The following SMAD3 variants were observed in gnomAD, a reference collection of about 807,000 sequenced individuals.
SMAD3 encodes SMAD family member 3.
A neutral mutation model predicts 51.8 loss-of-function variants in SMAD3; 12 were observed. That is an observed-to-expected ratio of 0.23 (90% CI 0.15 to 0.38). The LOEUF is 0.38. Ranked by LOEUF, SMAD3 falls within the 10% of genes least tolerant of loss-of-function variation. SMAD3 has a pLI of 1.00. For missense variants in SMAD3, 294 were observed against 565.6 expected (o/e 0.52, Z 4.87); for synonymous variants, 238 against 227.7 (o/e 1.05, Z -0.41).
At chr15:67,115,828 T>C (rs1303556432) in intron 1 of SMAD3, among the ~76,000 whole-genome samples, 1 of 152,172 alleles carries the variant, frequency 6.6e-6, no homozygotes, top group Admixed American at 6.5e-5. Context: ...GAGTCATGCA[T>C]GAGAAGTCCA....
intron 1 of SMAD3, among the ~76,000 whole-genome samples, chr15:67,095,282 C>G (rs1308340602): frequency 6.6e-6 from 1 of 152,152 alleles, no homozygotes; most frequent in Non-Finnish European, 1.5e-5. Context: ...AAACCCAGAT[C>G]CTTTTTGTGT....
chr15:67,184,718 T>C lies in SMAD3; in HGVS notation c.872-9T>C, dbSNP rs1416997630. ...GGCACCCTGTCCAGTCTAACCTGAA[T>C]CTCTGTAGGAAGAGGCGTGCGGCTC... On this transcript the variant is annotated splice_polypyrimidine_tract_variant and intron_variant, in intron 6 of 8. Coordinates refer to ENST00000327367, the MANE Select transcript of SMAD3 (RefSeq NM_005902.4). 6.2e-7 allele frequency: 1 copy of C among 1,613,964 alleles called. No homozygotes were observed. The highest frequency in any genetic ancestry group is 8.5e-7 in the Non-Finnish European group (1 of 1,180,034).
chr15:67,073,469 A>G (rs1248065759), intron 1 of SMAD3, among the ~76,000 whole-genome samples: 1 of 152,230 alleles, frequency 6.6e-6, no homozygotes, highest in African/African-American at 2.4e-5. Context: ...AAAATTAATA[A>G]ACAAGAGTTT....
intron 1 of SMAD3, among the ~76,000 whole-genome samples, chr15:67,078,235 A>T (rs952705426): frequency 2.0e-5 from 3 of 152,234 alleles, no homozygotes; most frequent in African/African-American, 7.2e-5. Context: ...TTGGGAAACT[A>T]AGTGGGGTGT....
intron 6 of SMAD3, among the ~76,000 whole-genome samples, chr15:67,183,021 A>T (rs1324304313): frequency 4.1e-5 from 3 of 73,366 alleles, no homozygotes; most frequent in East Asian, 3.5e-4. Flanking sequence ...ATATATATAT[A>T]TATATATATA....
intron 1 of SMAD3, among the ~76,000 whole-genome samples, chr15:67,144,052 G>C (rs1269968213): frequency 6.6e-6 from 1 of 151,722 alleles, no homozygotes; most frequent in African/African-American, 2.4e-5. Flanking sequence ...TGATGAGTTT[G>C]ATATTTGTAT....
intron 1 of SMAD3, among the ~76,000 whole-genome samples, chr15:67,150,599 A>G (rs1162067380): frequency 6.6e-6 from 1 of 152,182 alleles, no homozygotes; most frequent in Non-Finnish European, 1.5e-5. Flanking sequence ...GCTGGGAACC[A>G]GGTCTGGGAA....
intron 4 of SMAD3, among the ~76,000 whole-genome samples, chr15:67,167,902 G>C (rs368608836): frequency 7.3e-4 from 111 of 152,306 alleles, no homozygotes; most frequent in African/African-American, 2.5e-3. Flanking sequence ...AGAGCCGCTA[G>C]ACACAGCAGA....
chr15:67,109,759 G>T (rs1314361518), intron 1 of SMAD3, among the ~76,000 whole-genome samples: 1 of 152,222 alleles, frequency 6.6e-6, no homozygotes, highest in Non-Finnish European at 1.5e-5. Context: ...GCTGCCTGCA[G>T]TTGCGACACC....
chr15:67,144,983 G>A (rs1270643961), intron 1 of SMAD3, among the ~76,000 whole-genome samples: 4 of 152,274 alleles, frequency 2.6e-5, no homozygotes, highest in African/African-American at 9.6e-5. Context: ...AGGCGCACAG[G>A]GAGGGGTTGG....
intron 1 of SMAD3, among the ~76,000 whole-genome samples, chr15:67,092,377 T>A (rs780334271): frequency 4.1e-4 from 62 of 152,222 alleles, no homozygotes; most frequent in Non-Finnish European, 8.2e-4. Flanking sequence ...ATTCCCCAGC[T>A]GTTAGGTGAA....
At chr15:67,170,654 T>G in intron 5 of SMAD3, 50 bp downstream of exon 5, 16 of 1,508,868 alleles carry the variant, frequency 1.1e-5, no homozygotes, top group Non-Finnish European at 1.5e-5. Flanking sequence ...GCTGCAGCCC[T>G]GGCGAGTCGC....
chr15:67,150,008 T>C (rs1383090645), intron 1 of SMAD3, among the ~76,000 whole-genome samples: 2 of 152,212 alleles, frequency 1.3e-5, no homozygotes, highest in African/African-American at 4.8e-5. Flanking sequence ...CTGAAAGGTT[T>C]GCAAATCCTG....
intron 1 of SMAD3, among the ~76,000 whole-genome samples, chr15:67,122,934 C>T (rs1307376990): frequency 1.3e-5 from 2 of 151,974 alleles, no homozygotes; most frequent in African/African-American, 4.8e-5. Flanking sequence ...GCCTGTAATC[C>T]CAGTACTTTG....
chr15:67,093,835 T>C lies in SMAD3; in HGVS notation c.206+27475T>C, dbSNP rs1352807938. ...TCTGGCAGCACCTAAAAGAAGCCTC[T>C]TGGGCCAATGAGAGGATGGACTGTC... On this transcript the variant is annotated intron_variant, in intron 1 of 8. Transcript: ENST00000327367. Among the ~76,000 whole-genome samples the C allele has an allele frequency of 3.3e-5, 5 of 152,324 alleles. No individual in the cohort carries two copies. The South Asian group carries it at 1.0e-3, about 32-fold the overall frequency.
intron 1 of SMAD3, among the ~76,000 whole-genome samples, chr15:67,126,389 G>GT (rs1174290094): frequency 6.6e-6 from 1 of 152,018 alleles, no homozygotes; most frequent in African/African-American, 2.4e-5. Context: ...CTCCTAGCCC[G>GT]TTACCACAGC....
intron 1 of SMAD3, among the ~76,000 whole-genome samples, chr15:67,153,294 C>A (rs1962194929): frequency 6.6e-6 from 1 of 152,104 alleles, no homozygotes; most frequent in Admixed American, 6.5e-5. Context: ...GCGTTTGAGA[C>A]CAGCCTGGCC....
rs754434709 is a variant in SMAD3, at chr15:67,142,798, T to A, written c.207-22097T>A. 1.3e-4 allele frequency: 58 copies of A among 448,538 alleles called. 2 individuals carry two copies. The highest frequency in any genetic ancestry group is 9.0e-4 in the South Asian group (57 of 63,540). 27.8% of individuals were successfully genotyped at this position (448,538 alleles called of 1,614,324 possible). A position where few individuals can be genotyped will look rare whatever the true frequency, so the allele number is the denominator to read the frequency against. ...GAGAAAAGAGCTTGTGAAATAGGCT[T>A]GTGATGTTTGTGATAAGGGCCCTGT... On this transcript the variant is annotated intron_variant, in intron 1 of 8. Transcript: ENST00000327367.
At chr15:67,187,646 C>A (rs1040272565) in intron 8 of SMAD3, 137 bp downstream of exon 8, 3 of 1,116,488 alleles carry the variant, frequency 2.7e-6, no homozygotes, top group African/African-American at 3.1e-5. Context: ...AGAGAGAGGC[C>A]AAGGCCTGGC....
Sources: allele counts gnomAD v4.1 joint callset (sites outside exome capture counted in the v4.1 genomes callset), GRCh38; gene constraint gnomAD v4.1.1; transcripts MANE v1.5; gene names NCBI Gene and HGNC (gene_info 2026-07-23, HGNC 2026-07-21).